The following RIMBP2 variants were observed in gnomAD, a reference collection of about 807,000 sequenced individuals.
RIMBP2 encodes RIMS binding protein 2, also known as RIMS-binding protein 2.
Under a neutral mutation model 118.6 loss-of-function variants are expected in RIMBP2, and 48 were observed. The observed-to-expected ratio is 0.40, with a 90% CI of 0.32 to 0.51. The LOEUF is 0.51. Ranked by LOEUF, RIMBP2 falls within the 20% of genes least tolerant of loss-of-function variation. RIMBP2 has a pLI of 0.41. For missense variants in RIMBP2, 1,551 were observed against 1,768.3 expected (o/e 0.88, Z 2.20); for synonymous variants, 762 against 742.9 (o/e 1.03, Z -0.42).
chr12:130,423,828 A>C (rs2076582718), intron 16 of RIMBP2, among the ~76,000 whole-genome samples: 1 of 152,148 alleles, frequency 6.6e-6, no homozygotes, highest in African/African-American at 2.4e-5. Flanking sequence ...CATGTTGCCA[A>C]ACTTTCAGAT....
chr12:130,687,854 G>A (rs1463872342), intron 1 of RIMBP2, among the ~76,000 whole-genome samples: 1 of 152,118 alleles, frequency 6.6e-6, no homozygotes, highest in African/African-American at 2.4e-5. Context: ...TGTGCTTTGG[G>A]CACGTGCCTC....
intron 1 of RIMBP2, among the ~76,000 whole-genome samples, chr12:130,658,976 G>A (rs113201183): frequency 4.9e-4 from 74 of 151,570 alleles, no homozygotes; most frequent in East Asian, 9.7e-4. Flanking sequence ...CCTCCACCAT[G>A]CCAACCTCCC....
At chr12:130,568,104 A>G (rs1456351814) in intron 2 of RIMBP2, among the ~76,000 whole-genome samples, 1 of 152,210 alleles carries the variant, frequency 6.6e-6, no homozygotes, top group Non-Finnish European at 1.5e-5. Flanking sequence ...AGATTAGTTA[A>G]GGTTCTCTCC....
chr12:130,607,495 A>C (rs987343017), intron 2 of RIMBP2, among the ~76,000 whole-genome samples: 68 of 151,726 alleles, frequency 4.5e-4, no homozygotes, highest in African/African-American at 1.6e-3. Flanking sequence ...CCACGTCTCC[A>C]CACCCAGAAC....
At chr12:130,671,872 T>C (rs1009499628) in intron 1 of RIMBP2, among the ~76,000 whole-genome samples, 6 of 152,208 alleles carry the variant, frequency 3.9e-5, no homozygotes, top group African/African-American at 1.4e-4. Context: ...AATATTGAAA[T>C]ATACTGGTAG....
At chr12:130,698,617 C>T (rs910412432) in intron 1 of RIMBP2, among the ~76,000 whole-genome samples, 3 of 152,066 alleles carry the variant, frequency 2.0e-5, no homozygotes, top group African/African-American at 7.2e-5. Context: ...TTCCTAAAAC[C>T]ATAAAAATCC....
intron 2 of RIMBP2, among the ~76,000 whole-genome samples, chr12:130,544,596 C>CTTTTT (rs35041449): frequency 3.8e-4 from 38 of 100,520 alleles, no homozygotes; most frequent in East Asian, 7.0e-4. Flanking sequence ...AACTGGAGGC[C>CTTTTT]TTTTTTTTTT....
Position 130,683,219 on chromosome 12 carries a change from A to G in RIMBP2, c.-352+33003T>C, listed in dbSNP as rs1355769755. ...AAAAGGACACACACAGACACGGGAA[A>G]GCTCACACGGATGGCAGTGGAACCA... On this transcript the variant is annotated intron_variant, in intron 1 of 22. Transcript: ENST00000690449. This position sits in a 1 kb window ranked among gnomAD's most constrained non-coding sequence, Gnocchi z 4.4. Among the ~76,000 whole-genome samples, 8 of 152,184 alleles carry G rather than the reference A, an allele frequency of 5.3e-5. No individual in the cohort carries two copies. In the South Asian group the frequency reaches 1.5e-3, roughly 28 times the overall value.
chr12:130,423,414 C>T (rs771582393), intron 16 of RIMBP2, among the ~76,000 whole-genome samples: 29 of 152,174 alleles, frequency 1.9e-4, no homozygotes, highest in South Asian at 6.2e-4. Context: ...CAAGGCCTGG[C>T]GCCATGTGGA....
intron 17 of RIMBP2, among the ~76,000 whole-genome samples, chr12:130,417,255 A>G (rs1300816143): frequency 6.6e-6 from 1 of 152,234 alleles, no homozygotes; most frequent in Admixed American, 6.5e-5. Flanking sequence ...CCAAAGGAAA[A>G]GAAGTCGTTT....
chr12:130,649,827 G>A (rs987469924), intron 1 of RIMBP2, among the ~76,000 whole-genome samples: 1 of 152,012 alleles, frequency 6.6e-6, no homozygotes, highest in African/African-American at 2.4e-5. Flanking sequence ...CGAAGAGGAC[G>A]TGCGGGTGCT....
At chr12:130,609,299 G>A (rs570109975) in intron 2 of RIMBP2, among the ~76,000 whole-genome samples, 1 of 152,200 alleles carries the variant, frequency 6.6e-6, no homozygotes, top group East Asian at 1.9e-4. Context: ...CAACCTAAGT[G>A]TCCATCGACG....
chr12:130,483,420 A>G (rs1452323652), intron 4 of RIMBP2, among the ~76,000 whole-genome samples: 7 of 152,232 alleles, frequency 4.6e-5, no homozygotes, highest in Admixed American at 3.9e-4. Context: ...ATAAATAAAT[A>G]AAAGGGGAGA....
rs542536314 is a variant in RIMBP2, at chr12:130,578,368, A to C, written c.-217+49954T>G. Among the ~76,000 whole-genome samples, 3 of 152,274 alleles carry C rather than the reference A, an allele frequency of 2.0e-5. No homozygotes were observed. Among genetic ancestry groups the C allele is most frequent in the South Asian group, 4.1e-4 (2 of 4,820 alleles). On this transcript the variant is annotated intron_variant, in intron 2 of 22. Coordinates refer to ENST00000690449, the MANE Select transcript of RIMBP2 (RefSeq NM_001393629.1). This position sits in a 1 kb window ranked among gnomAD's most constrained non-coding sequence, Gnocchi z 4.1. ...CTGCTGCTCTGCCCTAGAATCCAAC[A>C]TGGCTCCCAGCTGCCAGCAGTACAA...
At chr12:130,690,270 A>G (rs1014206024) in intron 1 of RIMBP2, among the ~76,000 whole-genome samples, 20 of 152,244 alleles carry the variant, frequency 1.3e-4, no homozygotes, top group African/African-American at 4.6e-4. Flanking sequence ...GATCATGGAC[A>G]CAGAGAGAGA....
At chr12:130,604,586 CTT>C (rs71088767) in intron 2 of RIMBP2, among the ~76,000 whole-genome samples, 2 of 56,728 alleles carry the variant, frequency 3.5e-5, no homozygotes, top group Non-Finnish European at 6.4e-5. Flanking sequence ...CCTTTTCTTT[CTT>C]TTTTTTTTTT....
At chr12:130,443,890 G>A (rs1031164650) in intron 10 of RIMBP2, among the ~76,000 whole-genome samples, 1 of 152,138 alleles carries the variant, frequency 6.6e-6, no homozygotes, top group East Asian at 1.9e-4. Flanking sequence ...GAAGACCGTC[G>A]TATCTATTAT....
At chr12:130,646,217 ACCTCCCTCACCACCTGCCTCT>A (rs2062925322) in intron 1 of RIMBP2, among the ~76,000 whole-genome samples, 3 of 69,874 alleles carry the variant, frequency 4.3e-5, no homozygotes, top group South Asian at 7.0e-4. Context: ...CTCCCTCTCC[ACCTCCCTCACCACCTGCCTCT>A]CCACCTCCCT....
At chr12:130,432,256 GCT>G (rs1011474566) in intron 14 of RIMBP2, 15 of 456,484 alleles carry the variant, frequency 3.3e-5, no homozygotes, top group Middle Eastern at 3.2e-4. Flanking sequence ...TCTAATTCCA[GCT>G]CTGTTAGGAG....
Sources: allele counts gnomAD v4.1 joint callset (sites outside exome capture counted in the v4.1 genomes callset), GRCh38; gene constraint gnomAD v4.1.1; non-coding constraint Gnocchi (gnomAD v3.1); transcripts MANE v1.5; gene names NCBI Gene and HGNC (gene_info 2026-07-23, HGNC 2026-07-21).